The following DPP6 variants were observed in gnomAD, a reference collection of about 807,000 sequenced individuals.
DPP6 encodes dipeptidyl peptidase like 6, also known as A-type potassium channel modulatory protein DPP6.
A neutral mutation model predicts 122.6 loss-of-function variants in DPP6; 69 were observed. The ratio of observed to expected loss-of-function variants is 0.56; its 90% CI spans 0.46 to 0.69. The LOEUF (loss-of-function observed/expected upper bound fraction) is 0.69. DPP6 is among the 30% of genes least tolerant of loss of function. The probability of loss-of-function intolerance (pLI) is 0.00; values close to 1 mark genes in which losing one functional copy is unlikely to be tolerated. For missense variants in DPP6, 928 were observed against 1,116.9 expected, an observed-to-expected ratio of 0.83 and a Z score of 2.41; for synonymous variants, 418 against 433.1, an observed-to-expected ratio of 0.97 and a Z score of 0.43.
intron 1 of DPP6, among the ~76,000 whole-genome samples, chr7:154,116,327 A>T (rs148979155): frequency 2.1e-3 from 322 of 152,356 alleles, no homozygotes; most frequent in African/African-American, 7.5e-3. Flanking sequence ...CACTGGGTTC[A>T]AACTCTTTAT....
the DPP6 span, among the ~76,000 whole-genome samples, chr7:153,810,745 C>T: frequency 2.0e-5 from 3 of 148,992 alleles, no homozygotes; most frequent in Non-Finnish European, 4.4e-5. Flanking sequence ...TTCTATGGCA[C>T]ATGCTTGATA....
the DPP6 span, among the ~76,000 whole-genome samples, chr7:153,874,807 G>A: frequency 5.9e-5 from 9 of 152,172 alleles, no homozygotes; most frequent in African/African-American, 2.2e-4. Context: ...CAGCTGAACA[G>A]AAGAAAAGGG....
intron 1 of DPP6, among the ~76,000 whole-genome samples, chr7:154,358,666 A>G (rs1811470914): frequency 6.6e-6 from 1 of 152,178 alleles, no homozygotes; most frequent in Admixed American, 6.5e-5. Flanking sequence ...TCTGTTTGAT[A>G]TACTCATTAC....
At chr7:154,796,539 CT>C (rs1328999982) in intron 12 of DPP6, among the ~76,000 whole-genome samples, 1 of 152,232 alleles carries the variant, frequency 6.6e-6, no homozygotes, top group African/African-American at 2.4e-5. Context: ...TCATTCCACA[CT>C]CTGACACTAA....
chr7:153,902,569 T>A (rs1488456037), intron 1 of DPP6, among the ~76,000 whole-genome samples: 1 of 152,094 alleles, frequency 6.6e-6, no homozygotes, highest in East Asian at 1.9e-4. Context: ...GCGTGGTGGC[T>A]CACACCTGTA....
chr7:153,754,598 G>C, the DPP6 span, among the ~76,000 whole-genome samples: 1 of 152,244 alleles, frequency 6.6e-6, no homozygotes, highest in East Asian at 1.9e-4. Flanking sequence ...TTGGGAATTT[G>C]GTGGCCATTA....
chr7:153,888,273 G>T (rs1799028831), intron 1 of DPP6, among the ~76,000 whole-genome samples: 1 of 152,220 alleles, frequency 6.6e-6, no homozygotes, highest in African/African-American at 2.4e-5. Flanking sequence ...CCTGCTCCCT[G>T]GATTGGGGAC....
the DPP6 span, among the ~76,000 whole-genome samples, chr7:153,843,555 A>C: frequency 6.6e-6 from 1 of 152,212 alleles, no homozygotes; most frequent in South Asian, 2.1e-4. Flanking sequence ...AATGCACTGG[A>C]TATACCAGCA....
chr7:153,940,034 G>A (rs1233619883), intron 1 of DPP6, among the ~76,000 whole-genome samples: 1 of 152,178 alleles, frequency 6.6e-6, no homozygotes, highest in East Asian at 1.9e-4. Context: ...GACAAGACAT[G>A]GCATGGCTCC....
chr7:154,012,796 A>C (rs1264212774), intron 1 of DPP6, among the ~76,000 whole-genome samples: 1 of 152,104 alleles, frequency 6.6e-6, no homozygotes, highest in Non-Finnish European at 1.5e-5. Flanking sequence ...CTTATCTTTT[A>C]TGTGTCTAAT....
chr7:154,669,293 T>G, intron 6 of DPP6, 67 bp from the exon 7 acceptor site: 1 of 1,551,042 alleles, frequency 6.4e-7, no homozygotes, highest in East Asian at 2.4e-5. Flanking sequence ...GGGGATAAAA[T>G]TGCAGCAGCT....
chr7:154,279,430 G>A (rs1231843550), intron 1 of DPP6, among the ~76,000 whole-genome samples: 1 of 152,170 alleles, frequency 6.6e-6, no homozygotes, highest in East Asian at 1.9e-4. Context: ...ACTACCCTTG[G>A]TGGTGGTATC....
At chr7:154,314,484 T>C (rs1807256694) in intron 1 of DPP6, among the ~76,000 whole-genome samples, 2 of 152,226 alleles carry the variant, frequency 1.3e-5, no homozygotes, top group African/African-American at 4.8e-5. Context: ...CCAGTGATTT[T>C]TGGACTTTTG....
chr7:154,509,345 A>G (rs1825885995), intron 3 of DPP6, among the ~76,000 whole-genome samples: 1 of 152,242 alleles, frequency 6.6e-6, no homozygotes, highest in East Asian at 1.9e-4. Flanking sequence ...ATCTCCAAGA[A>G]AGATTTACAA....
At chr7:153,979,697 T>C (rs1018554576) in intron 1 of DPP6, among the ~76,000 whole-genome samples, 1 of 152,226 alleles carries the variant, frequency 6.6e-6, no homozygotes, top group Non-Finnish European at 1.5e-5. Flanking sequence ...TAAATAGCTC[T>C]TATTATTTTG....
At chr7:154,822,222 TC>T (rs35935905) in intron 16 of DPP6, among the ~76,000 whole-genome samples, 2 of 150,912 alleles carry the variant, frequency 1.3e-5, no homozygotes, top group Admixed American at 6.6e-5. Context: ...TCTTCATCCA[TC>T]CTGGCAGCTG....
At chr7:154,051,595 C>T (rs1259979078), upstream of DPP6, among the ~76,000 whole-genome samples, 4 of 148,390 alleles carry the variant, frequency 2.7e-5, no homozygotes, top group Admixed American at 1.3e-4. Flanking sequence ...AGCCATGTCG[C>T]CCTCCCTCGC....
At chr7:153,887,693 A>G (rs1798991977) in exon 1 of DPP6, 1 of 1,613,778 alleles carries the variant, frequency 6.2e-7, no homozygotes, top group African/African-American at 1.3e-5. Context: ...AATGAAGGAA[A>G]AGGCCATGAT....
intron 4 of DPP6, among the ~76,000 whole-genome samples, chr7:154,548,525 CA>C (rs200806772): frequency 0.043 from 3,262 of 76,102 alleles, 39 homozygotes; most frequent in Middle Eastern, 0.071. Context: ...GACTCCATCT[CA>C]AAAAAAAAAA....
Sources: gnomAD v4.1 joint callset for allele counts (sites outside exome capture counted in the v4.1 genomes callset) on GRCh38, gnomAD v4.1.1 for gene constraint, MANE v1.5 for transcripts, NCBI Gene and HGNC (gene_info 2026-07-23, HGNC 2026-07-21) for gene names.